C1GALT1: variants seen among roughly 807,000 people sequenced by gnomAD.
C1GALT1 encodes the protein glycoprotein-N-acetylgalactosamine 3-beta-galactosyltransferase 1.
C1GALT1 carries 11 observed loss-of-function variants against 31.0 expected under a neutral mutation model. The ratio of observed to expected loss-of-function variants is 0.36; its 90% CI spans 0.22 to 0.59. The LOEUF (loss-of-function observed/expected upper bound fraction) is 0.59, where lower values mean the gene tolerates loss of function less well. Ranked by LOEUF, C1GALT1 falls within the 20% of genes least tolerant of loss-of-function variation. The pLI is 0.79. For synonymous variants in C1GALT1, 175 were observed against 143.6 expected, an observed-to-expected ratio of 1.22 and a Z score of -1.56; for missense variants, 424 against 425.2, an observed-to-expected ratio of 1.00 and a Z score of 0.03.
intron 2 of C1GALT1, among the ~76,000 whole-genome samples, chr7:7,158,566 A>G (rs182940419): frequency 1.4e-4 from 21 of 150,942 alleles, no homozygotes; most frequent in Admixed American, 4.0e-4. Flanking sequence ...TACATATTAT[A>G]TACACATACA....
At chr7:7,174,353 C>G (rs1368375739) in intron 2 of C1GALT1, among the ~76,000 whole-genome samples, 1 of 152,210 alleles carries the variant, frequency 6.6e-6, no homozygotes, top group East Asian at 1.9e-4. Flanking sequence ...TTTGTGTGGA[C>G]ATAAGTTTCA....
intron 1 of C1GALT1, among the ~76,000 whole-genome samples, chr7:7,222,545 A>G (rs957036671): frequency 5.9e-5 from 9 of 151,998 alleles, no homozygotes; most frequent in Admixed American, 1.3e-4. Context: ...TTATTTTTTC[A>G]TTTTTTCTGT....
chr7:7,199,776 T>G (rs902575745), intron 1 of C1GALT1, among the ~76,000 whole-genome samples: 1 of 152,240 alleles, frequency 6.6e-6, no homozygotes, highest in Non-Finnish European at 1.5e-5. Flanking sequence ...GTTGAATTGA[T>G]CCCTGTACCA....
chr7:7,195,238 C>T (rs1781233812), intron 1 of C1GALT1, among the ~76,000 whole-genome samples: 2 of 152,072 alleles, frequency 1.3e-5, no homozygotes, highest in African/African-American at 2.4e-5. Flanking sequence ...GTTCTTGTTT[C>T]TCTGGTTCCT....
At chr7:7,169,027 C>T (rs1327648381) in intron 2 of C1GALT1, among the ~76,000 whole-genome samples, 1 of 152,162 alleles carries the variant, frequency 6.6e-6, no homozygotes, top group Non-Finnish European at 1.5e-5. Flanking sequence ...AATAACACTC[C>T]CTTATCCCCT....
chr7:7,164,321 A>C (rs1352208203), intron 2 of C1GALT1, among the ~76,000 whole-genome samples: 1 of 152,182 alleles, frequency 6.6e-6, no homozygotes, highest in Non-Finnish European at 1.5e-5. Flanking sequence ...CTCATGTGGA[A>C]CATTAATGTT....
Position 7,167,886 on chromosome 7 carries a change from G to A in C1GALT1, c.-18+10460G>A, listed in dbSNP as rs559049753. 2.6e-5 allele frequency among the ~76,000 whole-genome samples: 4 copies of A among 152,212 alleles called. No individual in the cohort carries two copies. The South Asian group carries it at 6.2e-4, about 24-fold the overall frequency. ...AGCAGCTTAGTCCTTGTCTCTGAAGGCTTGGTTAGCTTCGGCCTTATGGAA... is the reference window on the plus strand; with the variant it reads ...AGCAGCTTAGTCCTTGTCTCTGAAGACTTGGTTAGCTTCGGCCTTATGGAA... On this transcript the variant is annotated intron_variant, in intron 2 of 3. Coordinates refer to the C1GALT1 transcript ENST00000429911.
intron 1 of C1GALT1, among the ~76,000 whole-genome samples, chr7:7,201,254 G>C (rs1393653744): frequency 6.6e-6 from 1 of 152,204 alleles, no homozygotes; most frequent in African/African-American, 2.4e-5. Context: ...GTCTGTTGGA[G>C]TTTGCTGGAG....
chr7:7,162,241 A>C, intron 2 of C1GALT1, among the ~76,000 whole-genome samples: 1 of 144,736 alleles, frequency 6.9e-6, no homozygotes, highest in Admixed American at 6.8e-5. Context: ...CATTAGGTAT[A>C]TCTCCTAATG....
intron 1 of C1GALT1, among the ~76,000 whole-genome samples, chr7:7,198,128 T>C (rs1583763577): frequency 1.3e-5 from 2 of 152,350 alleles, no homozygotes; most frequent in South Asian, 4.1e-4. Context: ...TCAAAGGGAA[T>C]GCTTCCAGTT....
chr7:7,188,275 ATT>A (rs2128230622), intron 1 of C1GALT1, among the ~76,000 whole-genome samples: 1 of 152,306 alleles, frequency 6.6e-6, no homozygotes, highest in South Asian at 2.1e-4. Context: ...TTGGTGAATA[ATT>A]TAGGTAATTA....
At chr7:7,232,021 C>A (rs1783097408) in intron 1 of C1GALT1, among the ~76,000 whole-genome samples, 1 of 152,202 alleles carries the variant, frequency 6.6e-6, no homozygotes, top group Non-Finnish European at 1.5e-5. Flanking sequence ...GACCTCTTCT[C>A]CTAAGCAGAC....
chr7:7,193,249 TC>T (rs1249104196), intron 1 of C1GALT1, among the ~76,000 whole-genome samples: 1 of 152,134 alleles, frequency 6.6e-6, no homozygotes, highest in East Asian at 1.9e-4. Context: ...GAAGGGTTTT[TC>T]TGATGATATC....
At chr7:7,203,130 T>C (rs1781591371) in intron 1 of C1GALT1, among the ~76,000 whole-genome samples, 2 of 149,952 alleles carry the variant, frequency 1.3e-5, no homozygotes, top group South Asian at 4.2e-4. Context: ...GTTCCCTGCA[T>C]ATAAGATCAT....
intron 1 of C1GALT1, among the ~76,000 whole-genome samples, chr7:7,211,994 A>G (rs1782028354): frequency 6.6e-6 from 1 of 152,230 alleles, no homozygotes; most frequent in South Asian, 2.1e-4. Flanking sequence ...CTAATTGTGA[A>G]TGAACTTTAG....
chr7:7,234,855 T>G (rs1198476190), intron 2 of C1GALT1: 2 of 179,342 alleles, frequency 1.1e-5, no homozygotes, highest in Non-Finnish European at 2.3e-5. Flanking sequence ...TTGGTTTTTG[T>G]TACTTGTTTT....
At chr7:7,185,477 G>A (rs1780772462) in intron 1 of C1GALT1, among the ~76,000 whole-genome samples, 1 of 152,136 alleles carries the variant, frequency 6.6e-6, no homozygotes, top group Non-Finnish European at 1.5e-5. Flanking sequence ...TCAAGATGTA[G>A]GTATGGCCAT....
intron 1 of C1GALT1, among the ~76,000 whole-genome samples, chr7:7,197,736 T>C (rs1408001035): frequency 6.6e-6 from 1 of 152,150 alleles, no homozygotes; most frequent in Admixed American, 6.5e-5. Flanking sequence ...GGTTTGTAGT[T>C]CTCCTTGAAG....
chr7:7,231,536 C>G (rs1034242502), intron 1 of C1GALT1, among the ~76,000 whole-genome samples: 2 of 152,058 alleles, frequency 1.3e-5, no homozygotes, highest in African/African-American at 4.8e-5. Flanking sequence ...TGCGTATTTT[C>G]TTCTGACCTA....
Sources: allele counts gnomAD v4.1 joint callset (sites outside exome capture counted in the v4.1 genomes callset), GRCh38; gene constraint gnomAD v4.1.1; transcripts MANE v1.5; gene names NCBI Gene and HGNC (gene_info 2026-07-23, HGNC 2026-07-21).